The following NEGR1 variants were observed in gnomAD, a reference collection of about 807,000 sequenced individuals.
The protein encoded by NEGR1 is neuronal growth regulator 1, also known as IgLON family member 4.
NEGR1 carries 10 observed loss-of-function variants against 40.9 expected under a neutral mutation model. The ratio of observed to expected loss-of-function variants is 0.24; its 90% confidence interval spans 0.15 to 0.42. The LOEUF is 0.42. NEGR1 is among the 10% of genes least tolerant of loss of function. The pLI is 1.00. For missense variants in NEGR1, 352 were observed against 438.9 expected (o/e 0.80, Z 1.77); for synonymous variants, 185 against 166.8 (o/e 1.11, Z -0.84).
chr1:72,163,317 C>T (rs1289966655), intron 1 of NEGR1, among the ~76,000 whole-genome samples: 1 of 152,044 alleles, frequency 6.6e-6, no homozygotes, highest in Non-Finnish European at 1.5e-5. Context: ...ATTCTGCTAA[C>T]CTATGACGTG....
At chr1:72,223,935 T>A (rs1654092625) in intron 1 of NEGR1, among the ~76,000 whole-genome samples, 1 of 152,136 alleles carries the variant, frequency 6.6e-6, no homozygotes, top group African/African-American at 2.4e-5. Context: ...ACCAATATAT[T>A]GATTTGCACC....
chr1:72,097,778 T>C (rs1179124388), intron 1 of NEGR1, among the ~76,000 whole-genome samples: 1 of 152,180 alleles, frequency 6.6e-6, no homozygotes, highest in African/African-American at 2.4e-5. Flanking sequence ...ACAAGCTGCT[T>C]TACATATAAT....
intron 2 of NEGR1, among the ~76,000 whole-genome samples, chr1:71,823,070 C>T (rs1292632064): frequency 1.3e-5 from 2 of 151,950 alleles, no homozygotes; most frequent in Non-Finnish European, 2.9e-5. Context: ...CAAGGGGTGG[C>T]ATTCCTAATG....
chr1:71,908,594 C>A (rs1185019036), intron 2 of NEGR1, among the ~76,000 whole-genome samples: 1 of 152,174 alleles, frequency 6.6e-6, no homozygotes, highest in Non-Finnish European at 1.5e-5. Flanking sequence ...GGGACAAAAA[C>A]ATACTGTAAA....
At chr1:71,916,627 G>A (rs762983463) in intron 2 of NEGR1, among the ~76,000 whole-genome samples, 60 of 152,106 alleles carry the variant, frequency 3.9e-4, no homozygotes, top group Non-Finnish European at 7.8e-4. Context: ...ATAGGGGCGT[G>A]TGCTTGTAAT....
chr1:71,959,665 T>C (rs901806534), intron 1 of NEGR1, among the ~76,000 whole-genome samples: 25 of 152,288 alleles, frequency 1.6e-4, no homozygotes, highest in African/African-American at 5.3e-4. Context: ...TTATGTTCCC[T>C]GGTAGTTTCA....
At chr1:71,998,253 A>G (rs188323222) in intron 1 of NEGR1, among the ~76,000 whole-genome samples, 1 of 152,032 alleles carries the variant, frequency 6.6e-6, no homozygotes, top group Admixed American at 6.6e-5. Flanking sequence ...AATGCATGTA[A>G]AGTGATTTTT....
chr1:71,921,467 C>T (rs1464956796), intron 2 of NEGR1, among the ~76,000 whole-genome samples: 1 of 152,024 alleles, frequency 6.6e-6, no homozygotes, highest in Non-Finnish European at 1.5e-5. Flanking sequence ...CCTCTTCTTT[C>T]TCCTCTGCTT....
chr1:72,260,257 T>C (rs1476381427), intron 1 of NEGR1, among the ~76,000 whole-genome samples: 1 of 152,086 alleles, frequency 6.6e-6, no homozygotes, highest in Non-Finnish European at 1.5e-5. Context: ...TTTTATATAG[T>C]ATAAAGACAT....
intron 1 of NEGR1, among the ~76,000 whole-genome samples, chr1:72,243,084 CAT>C (rs1238002981): frequency 1.3e-5 from 2 of 151,436 alleles, no homozygotes; most frequent in Admixed American, 6.6e-5. Flanking sequence ...ATTTTAATAA[CAT>C]GTTCTAAATC....
chr1:72,061,859 C>G (rs1647181091), intron 1 of NEGR1, among the ~76,000 whole-genome samples: 1 of 151,642 alleles, frequency 6.6e-6, no homozygotes, highest in African/African-American at 2.4e-5. Context: ...GTGAACGATG[C>G]CCACCCTTTT....
chr1:72,183,152 A>G (rs981058441), intron 1 of NEGR1, among the ~76,000 whole-genome samples: 3 of 152,058 alleles, frequency 2.0e-5, no homozygotes, highest in Non-Finnish European at 4.4e-5. Context: ...TGGTGCTGGG[A>G]AAAGTGGACC....
chr1:71,670,932 C>A (rs1317344713), intron 4 of NEGR1, among the ~76,000 whole-genome samples: 1 of 151,888 alleles, frequency 6.6e-6, no homozygotes, highest in Non-Finnish European at 1.5e-5. Flanking sequence ...AGAGTATTTG[C>A]CTCAGTGGCT....
intron 1 of NEGR1, among the ~76,000 whole-genome samples, chr1:72,162,826 A>G (rs1178278323): frequency 1.3e-5 from 2 of 152,164 alleles, no homozygotes; most frequent in African/African-American, 4.8e-5. Context: ...TATTTAAGTG[A>G]CTGTTCATTA....
intron 1 of NEGR1, among the ~76,000 whole-genome samples, chr1:72,153,046 G>T (rs1224862552): frequency 6.6e-6 from 1 of 151,706 alleles, no homozygotes; most frequent in East Asian, 1.9e-4. Context: ...TTGGTAATAG[G>T]ATCCATACCC....
At chr1:71,460,770 A>G (rs1222651635) in intron 6 of NEGR1, among the ~76,000 whole-genome samples, 1 of 152,212 alleles carries the variant, frequency 6.6e-6, no homozygotes, top group Non-Finnish European at 1.5e-5. Context: ...CATAGTTGGA[A>G]GAAATATATA....
chr1:71,536,938 G>T (rs1316789282), intron 6 of NEGR1, among the ~76,000 whole-genome samples: 1 of 151,652 alleles, frequency 6.6e-6, no homozygotes, highest in Non-Finnish European at 1.5e-5. Context: ...AAAATACATT[G>T]TAGGTAATAG....
At chr1:72,273,131 G>T (rs2100560969) in intron 1 of NEGR1, among the ~76,000 whole-genome samples, 1 of 151,994 alleles carries the variant, frequency 6.6e-6, no homozygotes, top group South Asian at 2.1e-4. Context: ...AATTCTATCA[G>T]CTAGTATCAA....
intron 1 of NEGR1, among the ~76,000 whole-genome samples, chr1:72,252,168 C>T (rs1400797368): frequency 1.3e-5 from 2 of 150,824 alleles, no homozygotes; most frequent in South Asian, 2.1e-4. Context: ...TGCAATGGGG[C>T]GATGTAGCTG....
Sources: allele counts gnomAD v4.1 joint callset (sites outside exome capture counted in the v4.1 genomes callset), GRCh38; gene constraint gnomAD v4.1.1; transcripts MANE v1.5; gene names NCBI Gene and HGNC (gene_info 2026-07-23, HGNC 2026-07-21).